XNDC1N: variants seen among roughly 807,000 people sequenced by gnomAD.
The protein encoded by XNDC1N is protein XNDC1N.
the XNDC1N span, among the ~76,000 whole-genome samples, chr11:71,888,830 C>T: frequency 2.0e-3 from 306 of 152,302 alleles, 1 homozygote; most frequent in South Asian, 8.9e-3. Flanking sequence ...TGAAAATCCC[C>T]GTATAACCAT....
At chr11:71,890,407 G>C in the XNDC1N span, among the ~76,000 whole-genome samples, 1 of 152,034 alleles carries the variant, frequency 6.6e-6, no homozygotes, top group African/African-American at 2.4e-5. Context: ...TATTGGGAGT[G>C]ATATCATCCT....
At chr11:71,924,753 A>C in the XNDC1N span, among the ~76,000 whole-genome samples, 660 of 152,298 alleles carry the variant, frequency 4.3e-3, 4 homozygotes, top group African/African-American at 0.015. Context: ...TTTTATGTAA[A>C]ATTTTAAATA....
the XNDC1N span, among the ~76,000 whole-genome samples, chr11:71,881,659 T>A: frequency 1.3e-5 from 2 of 152,022 alleles, no homozygotes; most frequent in Non-Finnish European, 2.9e-5. Context: ...TCTTCAAATA[T>A]GATTACATTC....
At chr11:71,869,890 T>C in the XNDC1N span, among the ~76,000 whole-genome samples, 9 of 152,300 alleles carry the variant, frequency 5.9e-5, no homozygotes, top group East Asian at 1.4e-3. Context: ...ATCTTTGGTG[T>C]CGCTGTCTGT....
At chr11:71,874,114 A>G in the XNDC1N span, among the ~76,000 whole-genome samples, 6 of 152,300 alleles carry the variant, frequency 3.9e-5, no homozygotes, top group South Asian at 1.2e-3. Flanking sequence ...CAGGAGTTTG[A>G]GAACAGCCTA....
chr11:71,911,701 G>C, the XNDC1N span, among the ~76,000 whole-genome samples: 2 of 152,108 alleles, frequency 1.3e-5, no homozygotes, highest in African/African-American at 4.8e-5. Context: ...ATTGAACTCT[G>C]GGGGAAAAGG....
At chr11:71,917,673 T>C in the XNDC1N span, 1 of 703,316 alleles carries the variant, frequency 1.4e-6, no homozygotes, top group Non-Finnish European at 2.6e-6. Context: ...TTGAATCAGT[T>C]AGAGACATTA....
chr11:71,903,697 T>C, the XNDC1N span: 2 of 412,052 alleles, frequency 4.9e-6, no homozygotes, highest in East Asian at 5.6e-5. Context: ...CTGCACAACT[T>C]GATTGCCTTA....
chr11:71,906,658 A>G, the XNDC1N span, among the ~76,000 whole-genome samples: 1 of 152,164 alleles, frequency 6.6e-6, no homozygotes, highest in Non-Finnish European at 1.5e-5. Flanking sequence ...ACGTTTTCCT[A>G]GAATATGACG....
At chr11:71,893,749 C>T in the XNDC1N span, 6 of 1,180,628 alleles carry the variant, frequency 5.1e-6, no homozygotes, top group Non-Finnish European at 7.0e-6. Flanking sequence ...AGTCATCTCT[C>T]ATGCGGACTG....
the XNDC1N span, among the ~76,000 whole-genome samples, chr11:71,867,982 A>G: frequency 0.01 from 1,575 of 152,324 alleles, 29 homozygotes; most frequent in African/African-American, 0.036. Flanking sequence ...TCTTGGGTTC[A>G]TATATATTTA....
the XNDC1N span, among the ~76,000 whole-genome samples, chr11:71,918,238 C>T: frequency 2.0e-5 from 3 of 152,170 alleles, no homozygotes; most frequent in Non-Finnish European, 4.4e-5. Context: ...CCAGCATCCT[C>T]CTGACACAGA....
the XNDC1N span, among the ~76,000 whole-genome samples, chr11:71,887,524 C>A: frequency 6.6e-6 from 1 of 151,834 alleles, no homozygotes; most frequent in African/African-American, 2.4e-5. Context: ...TCTGGCTAAG[C>A]GGTGGCCAAG....
the XNDC1N span, among the ~76,000 whole-genome samples, chr11:71,886,881 G>A: frequency 6.6e-6 from 1 of 152,176 alleles, no homozygotes; most frequent in South Asian, 2.1e-4. Context: ...CCACAAAGAG[G>A]CAAGGGAAGG....
At chr11:71,905,424 C>G in the XNDC1N span, among the ~76,000 whole-genome samples, 3 of 151,828 alleles carry the variant, frequency 2.0e-5, no homozygotes, top group Admixed American at 6.6e-5. Context: ...TAACACCCCC[C>G]CTAGAATATT....
the XNDC1N span, chr11:71,884,749 C>G: frequency 4.6e-6 from 4 of 872,636 alleles, no homozygotes; most frequent in Non-Finnish European, 3.5e-6. Flanking sequence ...CATTTACTCC[C>G]TTAATTTACA....
At chr11:71,906,732 G>C in the XNDC1N span, among the ~76,000 whole-genome samples, 2 of 152,094 alleles carry the variant, frequency 1.3e-5, no homozygotes, top group African/African-American at 2.4e-5. Flanking sequence ...AAGATTACAC[G>C]TAATATCACT....
At chr11:71,911,725 C>G in the XNDC1N span, among the ~76,000 whole-genome samples, 2 of 152,138 alleles carry the variant, frequency 1.3e-5, no homozygotes, top group African/African-American at 4.8e-5. Flanking sequence ...AAAATATCAA[C>G]AGGAAATCTT....
the XNDC1N span, chr11:71,893,294 C>CA: frequency 2.0e-6 from 1 of 500,512 alleles, no homozygotes; most frequent in Non-Finnish European, 3.6e-6. Flanking sequence ...AAGTAAATCA[C>CA]GTAATAATTC....
Sources: allele counts gnomAD v4.1 joint callset (sites outside exome capture counted in the v4.1 genomes callset), GRCh38; gene constraint gnomAD v4.1.1; transcripts MANE v1.5; gene names NCBI Gene and HGNC (gene_info 2026-07-23, HGNC 2026-07-21).